The following DTWD2 variants were observed in gnomAD, a reference collection of about 807,000 sequenced individuals.
DTWD2 encodes tRNA-uridine aminocarboxypropyltransferase 2.
A neutral mutation model predicts 31.8 loss-of-function variants in DTWD2; 39 were observed. That is an observed-to-expected ratio of 1.22 (90% confidence interval 0.95 to 1.60). DTWD2 has a LOEUF of 1.60. DTWD2 is among the 40% of genes most tolerant of loss of function. The pLI is 0.00. For synonymous variants in DTWD2, 180 were observed against 142.8 expected (o/e 1.26, Z -1.86); for missense variants, 515 against 381.5 (o/e 1.35, Z -2.92).
rs1445387053 is a variant in DTWD2 at position 118,838,182 on chromosome 5, C to T, written c.*2735G>A. The T allele has an allele frequency of 6.6e-6, 1 of 152,146 alleles. No homozygotes were observed. The highest frequency in any genetic ancestry group is 1.5e-5 in the Non-Finnish European group (1 of 68,046). 9.4% of individuals were successfully genotyped at this position (152,146 alleles called of 1,614,324 possible). On this transcript the variant is annotated 3_prime_UTR_variant, in exon 6 of 6. Transcript: ENST00000510708. ...TTTACACTCATGTGTGCAAGAAACTCTCAATACCTCTCATTACACGCAGTG... is the reference window on the plus strand; with the variant it reads ...TTTACACTCATGTGTGCAAGAAACTTTCAATACCTCTCATTACACGCAGTG...
intron 1 of DTWD2, among the ~76,000 whole-genome samples, chr5:118,984,551 CTGGCAGA>C (rs917932065): frequency 6.6e-6 from 1 of 151,840 alleles, no homozygotes; most frequent in African/African-American, 2.4e-5. Flanking sequence ...TAGTATGTGC[CTGGCAGA>C]TGGCTGGTGT....
At chr5:118,897,949 G>T (rs896173957) in intron 4 of DTWD2, among the ~76,000 whole-genome samples, 31 of 152,042 alleles carry the variant, frequency 2.0e-4, no homozygotes, top group African/African-American at 7.5e-4. Context: ...GCTCAGCCTT[G>T]ACTTCCTGAG....
chr5:118,863,769 C>A (rs1245730461), intron 4 of DTWD2, among the ~76,000 whole-genome samples: 1 of 152,008 alleles, frequency 6.6e-6, no homozygotes, highest in Admixed American at 6.6e-5. Flanking sequence ...ACCTAATAGG[C>A]CTTTAATAAA....
At chr5:118,923,990 G>A (rs1040228088) in intron 4 of DTWD2, among the ~76,000 whole-genome samples, 3 of 152,126 alleles carry the variant, frequency 2.0e-5, no homozygotes, top group African/African-American at 7.2e-5. Flanking sequence ...TGGGAAGACT[G>A]GCTTCTGCAG....
chr5:118,923,396 A>C (rs1184822349), intron 4 of DTWD2, among the ~76,000 whole-genome samples: 3 of 152,184 alleles, frequency 2.0e-5, no homozygotes, highest in African/African-American at 4.8e-5. Flanking sequence ...GGTCATGCTC[A>C]CTAAGAGACA....
intron 5 of DTWD2, among the ~76,000 whole-genome samples, chr5:118,847,467 T>C (rs1308299280): frequency 6.6e-6 from 1 of 152,186 alleles, no homozygotes; most frequent in Non-Finnish European, 1.5e-5. Context: ...GTTTCTTGCA[T>C]GTTCCAAAAG....
chr5:118,864,730 C>T (rs1030948390), intron 4 of DTWD2, among the ~76,000 whole-genome samples: 8 of 150,980 alleles, frequency 5.3e-5, no homozygotes, highest in African/African-American at 1.7e-4. Flanking sequence ...AAAACAGAAA[C>T]GGATGCTATT....
chr5:118,860,997 A>T (rs1271539247), intron 4 of DTWD2, among the ~76,000 whole-genome samples: 1 of 152,186 alleles, frequency 6.6e-6, no homozygotes, highest in Non-Finnish European at 1.5e-5. Context: ...TCAATAGTTA[A>T]GTCAGGATGA....
At chr5:118,970,633 C>T (rs1754963337) in intron 1 of DTWD2, among the ~76,000 whole-genome samples, 1 of 152,084 alleles carries the variant, frequency 6.6e-6, no homozygotes, top group Non-Finnish European at 1.5e-5. Context: ...TCAGGAAATT[C>T]AGGGAACCCC....
chr5:118,886,421 T>C lies in DTWD2; in HGVS notation c.598-38203A>G, dbSNP rs192000325. Reference sequence around the variant, plus strand: ...TATGTTGTGGGTACTATGGAAATAGTGGGAAGAAAAGTCTAACCTTATAAT... The same window carrying C: ...TATGTTGTGGGTACTATGGAAATAGCGGGAAGAAAAGTCTAACCTTATAAT... On this transcript the variant is annotated intron_variant, in intron 4 of 5. Transcript: ENST00000510708. Among the ~76,000 whole-genome samples the C allele has an allele frequency of 1.1e-4, 17 of 152,230 alleles. No individual in the cohort carries two copies. In the East Asian group the frequency reaches 3.1e-3, roughly 28 times the overall value.
intron 3 of DTWD2, among the ~76,000 whole-genome samples, chr5:118,929,242 T>G (rs549784330): frequency 2.6e-5 from 4 of 152,342 alleles, no homozygotes; most frequent in African/African-American, 9.6e-5. Context: ...TGAGAAGGAC[T>G]CCATACTTCT....
At chr5:118,963,914 T>C (rs1017302618) in intron 1 of DTWD2, among the ~76,000 whole-genome samples, 1 of 152,266 alleles carries the variant, frequency 6.6e-6, no homozygotes, top group East Asian at 1.9e-4. Context: ...TGAAAGAAGA[T>C]ATAAGCATTT....
chr5:118,864,882 T>C (rs1276012121), intron 4 of DTWD2, among the ~76,000 whole-genome samples: 2 of 152,152 alleles, frequency 1.3e-5, no homozygotes, highest in Non-Finnish European at 2.9e-5. Flanking sequence ...TTCTTTTTAA[T>C]TGCTAGGCTG....
chr5:118,940,669 T>C (rs1374768694), intron 2 of DTWD2, among the ~76,000 whole-genome samples: 1 of 152,244 alleles, frequency 6.6e-6, no homozygotes, highest in East Asian at 1.9e-4. Flanking sequence ...ATATATCTTT[T>C]GTCATATCCA....
intron 2 of DTWD2, among the ~76,000 whole-genome samples, chr5:118,941,167 CTTTTT>C (rs1298696320): frequency 2.6e-5 from 4 of 151,622 alleles, no homozygotes; most frequent in South Asian, 2.1e-4. Context: ...ATCCTTTTTT[CTTTTT>C]ATTATATATA....
At chr5:118,865,154 T>A (rs1044926457) in intron 4 of DTWD2, among the ~76,000 whole-genome samples, 1 of 152,194 alleles carries the variant, frequency 6.6e-6, no homozygotes, top group Non-Finnish European at 1.5e-5. Context: ...TACATCTGAA[T>A]TTGAATTTGA....
intron 1 of DTWD2, among the ~76,000 whole-genome samples, chr5:118,981,705 T>C (rs765749315): frequency 2.3e-4 from 35 of 152,008 alleles, no homozygotes; most frequent in Admixed American, 5.9e-4. Flanking sequence ...CTTTCTAACA[T>C]AAAAGTGAAA....
intron 4 of DTWD2, among the ~76,000 whole-genome samples, chr5:118,857,272 A>G (rs1752159904): frequency 6.6e-6 from 1 of 152,120 alleles, no homozygotes; most frequent in Non-Finnish European, 1.5e-5. Context: ...GGTTTTTTAA[A>G]TTAAGTATAA....
intron 1 of DTWD2, among the ~76,000 whole-genome samples, chr5:118,954,202 T>C (rs1754531124): frequency 6.6e-6 from 1 of 152,130 alleles, no homozygotes; most frequent in Admixed American, 6.5e-5. Flanking sequence ...ACCCAGGTGT[T>C]TGAGGATGCA....
Sources: gnomAD v4.1 joint callset for allele counts (sites outside exome capture counted in the v4.1 genomes callset) on GRCh38, gnomAD v4.1.1 for gene constraint, MANE v1.5 for transcripts, NCBI Gene and HGNC (gene_info 2026-07-23, HGNC 2026-07-21) for gene names.